The following WDR7 variants were observed in gnomAD, a reference collection of about 807,000 sequenced individuals.
The protein encoded by WDR7 is WD repeat-containing protein 7.
Under a neutral mutation model 169.4 loss-of-function variants are expected in WDR7, and 46 were observed. The ratio of observed to expected loss-of-function variants is 0.27; its 90% CI spans 0.21 to 0.35. The LOEUF (loss-of-function observed/expected upper bound fraction) is 0.35. WDR7 is among the 10% of genes least tolerant of loss of function. The pLI is 1.00. For missense variants in WDR7, 1,534 were observed against 1,859.3 expected, an observed-to-expected ratio of 0.83 and a Z score of 3.22; for synonymous variants, 612 against 666.8, an observed-to-expected ratio of 0.92 and a Z score of 1.27.
chr18:56,985,100 C>T (rs1163746566), intron 26 of WDR7, among the ~76,000 whole-genome samples: 3 of 152,126 alleles, frequency 2.0e-5, no homozygotes, highest in Non-Finnish European at 4.4e-5. Context: ...AGCCTTAGAA[C>T]ACCACAGTGT....
intron 21 of WDR7, among the ~76,000 whole-genome samples, chr18:56,894,445 C>A (rs1599136572): frequency 6.6e-6 from 1 of 151,970 alleles, no homozygotes; most frequent in South Asian, 2.1e-4. Context: ...CACTCTTTCC[C>A]CCAGATACCT....
chr18:56,709,084 G>C (rs1029846739), intron 12 of WDR7, among the ~76,000 whole-genome samples: 1 of 152,160 alleles, frequency 6.6e-6, no homozygotes, highest in Admixed American at 6.6e-5. Flanking sequence ...GAAAAATAAA[G>C]TAAGTTCAGT....
At chr18:56,916,895 C>T (rs2046635320) in intron 21 of WDR7, among the ~76,000 whole-genome samples, 1 of 151,756 alleles carries the variant, frequency 6.6e-6, no homozygotes, top group South Asian at 2.1e-4. Context: ...AACCCCCTCT[C>T]TACTAAAGAT....
intron 21 of WDR7, among the ~76,000 whole-genome samples, chr18:56,918,709 G>A (rs2046666580): frequency 6.6e-6 from 1 of 152,118 alleles, no homozygotes; most frequent in Non-Finnish European, 1.5e-5. Flanking sequence ...CATACAACTG[G>A]AAACTTTGCC....
At chr18:56,728,960 T>A (rs1257844716) in intron 13 of WDR7, among the ~76,000 whole-genome samples, 2 of 152,180 alleles carry the variant, frequency 1.3e-5, no homozygotes, top group Non-Finnish European at 2.9e-5. Context: ...CATGGGCTCC[T>A]ACCTTTGCTC....
At chr18:56,758,202 A>G (rs1292552195) in intron 15 of WDR7, among the ~76,000 whole-genome samples, 1 of 152,184 alleles carries the variant, frequency 6.6e-6, no homozygotes, top group Non-Finnish European at 1.5e-5. Flanking sequence ...TCTATTGAGC[A>G]TTTACCATAT....
chr18:56,755,875 C>T (rs757190977), intron 14 of WDR7, among the ~76,000 whole-genome samples: 2 of 152,040 alleles, frequency 1.3e-5, no homozygotes, highest in Non-Finnish European at 2.9e-5. Context: ...TTAGTTCTTT[C>T]TTTGTCTCTT....
chr18:56,855,262 T>C (rs187456210), intron 20 of WDR7, among the ~76,000 whole-genome samples: 125 of 152,264 alleles, frequency 8.2e-4, no homozygotes, highest in Non-Finnish European at 1.5e-4. Flanking sequence ...TGGATGGTCT[T>C]TCTAATTGTA....
intron 20 of WDR7, among the ~76,000 whole-genome samples, chr18:56,825,320 C>T (rs1182827734): frequency 6.6e-6 from 1 of 152,230 alleles, no homozygotes; most frequent in Admixed American, 6.5e-5. Context: ...TAGTAATTAA[C>T]ACCATCTTTG....
chr18:56,988,282 C>A (rs1197478352), intron 26 of WDR7, among the ~76,000 whole-genome samples: 7 of 152,162 alleles, frequency 4.6e-5, no homozygotes, highest in African/African-American at 1.7e-4. Flanking sequence ...TTCTAAACCT[C>A]TAGGGGTGTG....
chr18:56,757,467 A>G (rs2043911508), intron 15 of WDR7, 115 bp downstream of exon 15: 1 of 1,051,088 alleles, frequency 9.5e-7, no homozygotes. Context: ...TTTCAGTGTC[A>G]TCTCAGTTGT....
At chr18:56,999,980 G>A (rs1459951776) in intron 26 of WDR7, among the ~76,000 whole-genome samples, 1 of 152,148 alleles carries the variant, frequency 6.6e-6, no homozygotes, top group East Asian at 1.9e-4. Flanking sequence ...AATTCTCTGT[G>A]ACAAATTCCT....
At chr18:56,670,876 T>G (rs1046143286) in intron 1 of WDR7, among the ~76,000 whole-genome samples, 1 of 152,172 alleles carries the variant, frequency 6.6e-6, no homozygotes, top group Non-Finnish European at 1.5e-5. Flanking sequence ...ATAGGTGACT[T>G]CTAGTGTCTA....
At chr18:56,899,397 G>C (rs1233146883) in intron 21 of WDR7, among the ~76,000 whole-genome samples, 1 of 151,968 alleles carries the variant, frequency 6.6e-6, no homozygotes, top group Non-Finnish European at 1.5e-5. Flanking sequence ...CAAAATATTA[G>C]AGTAAGTCAT....
intron 22 of WDR7, among the ~76,000 whole-genome samples, chr18:56,927,432 C>A (rs1351074434): frequency 6.6e-6 from 1 of 151,870 alleles, no homozygotes. Context: ...AACAGGAAGA[C>A]CCCCCCATCT....
intron 3 of WDR7, 22 bp downstream of exon 3, chr18:56,679,460 T>C (rs1024295603): frequency 3.2e-6 from 5 of 1,569,834 alleles, no homozygotes; most frequent in Non-Finnish European, 4.4e-6. Flanking sequence ...CTCATTTGCC[T>C]CTTTTTCTCA....
chr18:56,747,356 C>G (rs1223113724), intron 14 of WDR7, among the ~76,000 whole-genome samples: 1 of 152,182 alleles, frequency 6.6e-6, no homozygotes, highest in East Asian at 1.9e-4. Flanking sequence ...AATGGGATAA[C>G]AGATTTGAAA....
intron 16 of WDR7, among the ~76,000 whole-genome samples, chr18:56,769,926 T>G (rs1191126718): frequency 1.3e-5 from 2 of 152,134 alleles, no homozygotes; most frequent in African/African-American, 4.8e-5. Flanking sequence ...GTGCCTTTAT[T>G]TTTTTTAATT....
In WDR7 at chr18:56,672,688, A is replaced by G. The variant is rs989637304; in HGVS notation, c.159+14A>G. 6.3e-7 allele frequency: 1 copy of G among 1,595,600 alleles called. No individual in the cohort carries two copies. Among genetic ancestry groups the G allele is most frequent in the African/African-American group, 1.4e-5 (1 of 74,028 alleles). ...GTAGAACTGCAAGTGAGTATGTGAAATGCCTATTATACATTTTAGATATAA... is the reference window on the plus strand; with the variant it reads ...GTAGAACTGCAAGTGAGTATGTGAAGTGCCTATTATACATTTTAGATATAA... On this transcript the variant is annotated intron_variant, in intron 2 of 27. Transcript: ENST00000254442.
Sources: gnomAD v4.1 joint callset for allele counts (sites outside exome capture counted in the v4.1 genomes callset) on GRCh38, gnomAD v4.1.1 for gene constraint, MANE v1.5 for transcripts, NCBI Gene and HGNC (gene_info 2026-07-23, HGNC 2026-07-21) for gene names.